CGGBP1: variants seen among roughly 807,000 people sequenced by gnomAD.
CGGBP1 encodes the protein CGG triplet repeat-binding protein 1.
In CGGBP1, 4 loss-of-function variants were observed where a neutral mutation model predicts 11.4. The observed-to-expected ratio is 0.35, with a 90% CI of 0.17 to 0.80. The LOEUF is 0.80. Ranked by LOEUF, CGGBP1 falls within the 30% of genes least tolerant of loss-of-function variation. CGGBP1 has a pLI of 0.52. For synonymous variants in CGGBP1, 76 were observed against 74.1 expected (o/e 1.03, Z -0.13); for missense variants, 135 against 202.1 (o/e 0.67, Z 2.01).
chr3:88,129,046 T>G, intron 2 of CGGBP1: 1 of 1,457,288 alleles, frequency 6.9e-7, no homozygotes, highest in Non-Finnish European at 9.1e-7. Context: ...TATTACCATT[T>G]TAACCCTACC....
chr3:88,118,605 A>G (rs1705560295), intron 2 of CGGBP1, among the ~76,000 whole-genome samples: 1 of 152,222 alleles, frequency 6.6e-6, no homozygotes, highest in Admixed American at 6.5e-5. Flanking sequence ...AGTACTTGGA[A>G]TAAGTTTCCC....
intron 2 of CGGBP1, among the ~76,000 whole-genome samples, chr3:88,077,423 G>A (rs1469722550): frequency 2.7e-5 from 4 of 149,658 alleles, no homozygotes; most frequent in African/African-American, 9.9e-5. Context: ...AAGCTCCGCC[G>A]CCGGGTTCAC....
At chr3:88,110,396 A>G (rs1353239810) in intron 2 of CGGBP1, among the ~76,000 whole-genome samples, 2 of 152,156 alleles carry the variant, frequency 1.3e-5, no homozygotes, top group East Asian at 3.8e-4. Context: ...TCAATATGTA[A>G]ATAAATGCAT....
intron 2 of CGGBP1, among the ~76,000 whole-genome samples, chr3:88,112,243 T>C (rs768290732): frequency 4.0e-5 from 6 of 150,988 alleles, no homozygotes; most frequent in African/African-American, 1.5e-4. Flanking sequence ...TTACATTTTA[T>C]AATTTTAGTC....
chr3:88,126,604 T>G (rs1353997225), intron 2 of CGGBP1, among the ~76,000 whole-genome samples: 1 of 73,532 alleles, frequency 1.4e-5, no homozygotes, highest in Non-Finnish European at 3.1e-5. Context: ...TTTTTTTTTT[T>G]AAGAAACAAA....
chr3:88,092,323 T>A (rs986017866), intron 2 of CGGBP1, among the ~76,000 whole-genome samples: 1 of 152,206 alleles, frequency 6.6e-6, no homozygotes, highest in Non-Finnish European at 1.5e-5. Context: ...ATAAGATAGA[T>A]AAATTCTTGT....
chr3:88,067,760 T>C lies in CGGBP1; in HGVS notation c.-228-9537A>G, dbSNP rs1417741775. Among the ~76,000 whole-genome samples, 3 of 152,106 alleles carry C rather than the reference T, an allele frequency of 2.0e-5. No individual in the cohort carries two copies. In the South Asian group the frequency reaches 6.2e-4, roughly 32 times the overall value. On this transcript the variant is annotated intron_variant, in intron 2 of 3. Transcript: ENST00000462901. ...TGTAGTGATGGGATCAGTAGTCAGG[T>C]TGGAGTAGTTCCAAGAGTGGGAGGT...
intron 2 of CGGBP1, among the ~76,000 whole-genome samples, chr3:88,114,776 T>C (rs975688717): frequency 1.3e-5 from 2 of 151,670 alleles, no homozygotes; most frequent in African/African-American, 4.8e-5. Context: ...CCCAGGCCTG[T>C]GCCCTTAGGA....
intron 2 of CGGBP1, among the ~76,000 whole-genome samples, chr3:88,115,786 A>G (rs1160324958): frequency 5.3e-5 from 8 of 152,148 alleles, no homozygotes; most frequent in African/African-American, 1.2e-4. Context: ...CATTTCTCAT[A>G]TGATGCATCT....
intron 2 of CGGBP1, among the ~76,000 whole-genome samples, chr3:88,083,603 C>T (rs1708190398): frequency 1.3e-5 from 2 of 152,098 alleles, no homozygotes. Flanking sequence ...TTATGCTCTT[C>T]AAAATGAGAA....
At chr3:88,072,623 C>T (rs1350755787) in intron 2 of CGGBP1, among the ~76,000 whole-genome samples, 2 of 152,234 alleles carry the variant, frequency 1.3e-5, no homozygotes, top group South Asian at 4.2e-4. Flanking sequence ...GAGGCCTTCC[C>T]TGAACACCCC....
At chr3:88,086,770 T>C (rs1319305694) in intron 2 of CGGBP1, among the ~76,000 whole-genome samples, 1 of 152,096 alleles carries the variant, frequency 6.6e-6, no homozygotes, top group African/African-American at 2.4e-5. Context: ...AGGAAAATCC[T>C]GTTTGTTTGT....
chr3:88,099,731 C>T (rs1331669859), intron 2 of CGGBP1, among the ~76,000 whole-genome samples: 1 of 152,108 alleles, frequency 6.6e-6, no homozygotes, highest in Non-Finnish European at 1.5e-5. Flanking sequence ...AGAAAGGATT[C>T]CCTATTTAAT....
chr3:88,100,620 C>T (rs938060932), intron 2 of CGGBP1, among the ~76,000 whole-genome samples: 24 of 152,120 alleles, frequency 1.6e-4, no homozygotes, highest in African/African-American at 3.9e-4. Context: ...CCATGGAATA[C>T]GATGCAGCCA....
rs184178351 is a variant in CGGBP1, at chr3:88,052,541, G to A, written c.*2932C>T. ...AATTCTTACAGGCAAAAGTTTTAAC[G>A]TGGAAGTTTCAGCTTGGAGATCTTG... On this transcript the variant is annotated 3_prime_UTR_variant, in exon 4 of 4. Coordinates refer to ENST00000482016, the MANE Select transcript of CGGBP1 (RefSeq NM_001008390.2). 1.5e-3 allele frequency: 229 copies of A among 152,658 alleles called. 2 individuals are homozygous for A. The highest frequency in any genetic ancestry group is 2.5e-3 in the East Asian group (13 of 5,184). 9.5% of individuals were successfully genotyped at this position (152,658 alleles called of 1,614,324 possible). A position where few individuals can be genotyped will look rare whatever the true frequency, so the allele number is the denominator to read the frequency against.
chr3:88,132,021 T>A (rs1298643502), intron 2 of CGGBP1, among the ~76,000 whole-genome samples: 2 of 152,138 alleles, frequency 1.3e-5, no homozygotes. Context: ...ATAATAATAA[T>A]AGCTGCAAAT....
intron 2 of CGGBP1, among the ~76,000 whole-genome samples, chr3:88,120,350 T>C (rs1705691922): frequency 6.6e-6 from 1 of 152,322 alleles, no homozygotes; most frequent in East Asian, 1.9e-4. Context: ...GGTTTAAATG[T>C]TTTATTTATA....
intron 2 of CGGBP1, chr3:88,129,702 G>A: frequency 6.7e-7 from 1 of 1,496,872 alleles, no homozygotes; most frequent in South Asian, 1.3e-5. Flanking sequence ...ATTGAAAACT[G>A]ATTGTAAGAG....
chr3:88,060,154 C>G (rs1298658814), upstream of CGGBP1, among the ~76,000 whole-genome samples: 1 of 152,048 alleles, frequency 6.6e-6, no homozygotes, highest in African/African-American at 2.4e-5. Flanking sequence ...CACACGCACT[C>G]TTTTCTAATT....
Sources: gnomAD v4.1 joint callset for allele counts (sites outside exome capture counted in the v4.1 genomes callset) on GRCh38, gnomAD v4.1.1 for gene constraint, MANE v1.5 for transcripts, NCBI Gene and HGNC (gene_info 2026-07-23, HGNC 2026-07-21) for gene names.